Variants in ZNF407 observed in about 807,000 individuals in gnomAD.
ZNF407 encodes zinc finger protein 407.
ZNF407 carries 17 observed loss-of-function variants against 131.2 expected under a neutral mutation model. The observed-to-expected ratio is 0.13, with a 90% CI of 0.09 to 0.19. ZNF407 has a LOEUF of 0.19. Ranked by LOEUF, ZNF407 falls within the 10% of genes least tolerant of loss-of-function variation. The pLI is 1.00. For synonymous variants in ZNF407, 1,156 were observed against 1,062.0 expected, an observed-to-expected ratio of 1.09 and a Z score of -1.72; for missense variants, 2,681 against 2,830.6, an observed-to-expected ratio of 0.95 and a Z score of 1.20.
At chr18:75,061,070 A>G (rs1286420305) in intron 8 of ZNF407, among the ~76,000 whole-genome samples, 1 of 152,212 alleles carries the variant, frequency 6.6e-6, no homozygotes, top group Non-Finnish European at 1.5e-5. Flanking sequence ...CGGTATTGAA[A>G]GAAATGCTTT....
chr18:74,753,421 C>G (rs1459903948), intron 3 of ZNF407, among the ~76,000 whole-genome samples: 1 of 152,198 alleles, frequency 6.6e-6, no homozygotes, highest in East Asian at 1.9e-4. Context: ...GAGAGGGCAT[C>G]CTTGTCTTGT....
chr18:75,051,696 T>C (rs901263814), intron 8 of ZNF407, among the ~76,000 whole-genome samples: 5 of 152,240 alleles, frequency 3.3e-5, no homozygotes, highest in African/African-American at 1.2e-4. Context: ...TTAAAAACTT[T>C]AACAGCTCTT....
intron 4 of ZNF407, among the ~76,000 whole-genome samples, chr18:74,858,457 C>T (rs951842295): frequency 1.3e-5 from 2 of 152,098 alleles, no homozygotes; most frequent in Non-Finnish European, 2.9e-5. Context: ...GAAAAATAGT[C>T]ACTGGCTGGC....
intron 3 of ZNF407, among the ~76,000 whole-genome samples, chr18:74,724,679 A>G (rs1364607051): frequency 6.6e-6 from 1 of 152,204 alleles, no homozygotes; most frequent in Admixed American, 6.5e-5. Context: ...CTTGGTAGAT[A>G]GTTTTATGGC....
chr18:74,945,964 C>T (rs1344531946), intron 8 of ZNF407, among the ~76,000 whole-genome samples: 1 of 152,134 alleles, frequency 6.6e-6, no homozygotes, highest in Non-Finnish European at 1.5e-5. Flanking sequence ...GACAGGCCTC[C>T]GTAACGCTGC....
At chr18:74,804,832 T>C (rs1970084272) in intron 4 of ZNF407, among the ~76,000 whole-genome samples, 1 of 152,208 alleles carries the variant, frequency 6.6e-6, no homozygotes, top group Admixed American at 6.5e-5. Context: ...ATGTGCTTGC[T>C]TTCTGAATAT....
intron 4 of ZNF407, among the ~76,000 whole-genome samples, chr18:74,812,601 T>C (rs74651309): frequency 0.028 from 4,242 of 152,186 alleles, 89 homozygotes; most frequent in Non-Finnish European, 0.043. Flanking sequence ...GTGTGTTCGT[T>C]CTATGAGGTT....
At chr18:74,998,005 T>C (rs1972799415) in intron 8 of ZNF407, among the ~76,000 whole-genome samples, 1 of 152,144 alleles carries the variant, frequency 6.6e-6, no homozygotes, top group Non-Finnish European at 1.5e-5. Flanking sequence ...TGTGCAGCCT[T>C]TGCAGCACCT....
intron 4 of ZNF407, among the ~76,000 whole-genome samples, chr18:74,836,199 C>G (rs936571943): frequency 6.6e-6 from 1 of 152,146 alleles, no homozygotes; most frequent in African/African-American, 2.4e-5. Flanking sequence ...ACTTCAGGAG[C>G]CTGTAACTCA....
chr18:74,967,643 C>T (rs780444201), intron 8 of ZNF407, among the ~76,000 whole-genome samples: 2 of 152,164 alleles, frequency 1.3e-5, no homozygotes, highest in Non-Finnish European at 2.9e-5. Context: ...TGTGCATGCT[C>T]ATTAGCAAAC....
chr18:74,616,955 A>T, intron 1 of ZNF407, among the ~76,000 whole-genome samples: 1 of 97,062 alleles, frequency 1.0e-5, no homozygotes, highest in East Asian at 3.5e-4. Flanking sequence ...CACCACACGC[A>T]TCCATATCCA....
Position 74,755,885 on chromosome 18 carries a change from C to CTTTTTTTTTTTTTTTTT in ZNF407, c.4803-25533_4803-25517dup, listed in dbSNP as rs34750560. The stretch of plus-strand genomic sequence containing the variant: ...CCTTCCTTCCTTCCTCTTTTCCTTC[C>CTTTTTTTTTTTTTTTTT]TTTTTTTTTTTTTTTTTTTTTTTTT... On this transcript the variant is annotated intron_variant, in intron 3 of 8. Coordinates refer to ENST00000299687, the MANE Select transcript of ZNF407 (RefSeq NM_017757.3). Among the ~76,000 whole-genome samples the CTTTTTTTTTTTTTTTTT allele has an allele frequency of 1.2e-4, 3 of 25,822 alleles. 1 individual carries two copies. Among genetic ancestry groups the CTTTTTTTTTTTTTTTTT allele is most frequent in the African/African-American group, 6.0e-4 (3 of 4,990 alleles). 16.9% of individuals were successfully genotyped at this position (25,822 alleles called of 152,430 possible). A position where few individuals can be genotyped will look rare whatever the true frequency, so the allele number is the denominator to read the frequency against.
chr18:74,796,270 G>T (rs1969918101), intron 4 of ZNF407, among the ~76,000 whole-genome samples: 1 of 152,158 alleles, frequency 6.6e-6, no homozygotes, highest in Admixed American at 6.6e-5. Context: ...ATATATTTTT[G>T]TGTTTTATAT....
At chr18:74,986,324 A>C (rs1478915768) in intron 8 of ZNF407, among the ~76,000 whole-genome samples, 3 of 151,948 alleles carry the variant, frequency 2.0e-5, no homozygotes, top group Non-Finnish European at 4.4e-5. Flanking sequence ...AACTTTAACT[A>C]CGTCATGTAC....
chr18:74,753,251 C>T (rs1304190514), intron 3 of ZNF407, among the ~76,000 whole-genome samples: 8 of 151,528 alleles, frequency 5.3e-5, no homozygotes, highest in Non-Finnish European at 8.9e-5. Flanking sequence ...GAGACTTAGC[C>T]GAAGTTGCTT....
intron 3 of ZNF407, among the ~76,000 whole-genome samples, chr18:74,665,757 G>A (rs1329209871): frequency 2.0e-5 from 3 of 151,990 alleles, no homozygotes; most frequent in African/African-American, 4.8e-5. Flanking sequence ...GCCGTTCTAC[G>A]CCTTGGAAGC....
chr18:74,651,025 G>T (rs1235625409), intron 3 of ZNF407, among the ~76,000 whole-genome samples: 2 of 151,926 alleles, frequency 1.3e-5, no homozygotes, highest in African/African-American at 4.8e-5. Flanking sequence ...AGAAATTTTG[G>T]TGTTTATGTT....
chr18:74,620,502 C>CA (rs1983468110), intron 1 of ZNF407, among the ~76,000 whole-genome samples: 3 of 146,830 alleles, frequency 2.0e-5, no homozygotes, highest in African/African-American at 5.0e-5. Flanking sequence ...AACCCGCAGG[C>CA]AAAATTGAAT....
At chr18:74,889,363 T>A (rs897437616) in intron 6 of ZNF407, among the ~76,000 whole-genome samples, 1 of 152,218 alleles carries the variant, frequency 6.6e-6, no homozygotes, top group Non-Finnish European at 1.5e-5. Context: ...TATTTTAATG[T>A]GGTATTAAAT....
Sources: gnomAD v4.1 joint callset for allele counts (sites outside exome capture counted in the v4.1 genomes callset) on GRCh38, gnomAD v4.1.1 for gene constraint, MANE v1.5 for transcripts, NCBI Gene and HGNC (gene_info 2026-07-23, HGNC 2026-07-21) for gene names.